SLC25A13: variants seen among roughly 807,000 people sequenced by gnomAD.
The protein encoded by SLC25A13 is electrogenic aspartate/glutamate antiporter SLC25A13, mitochondrial.
A neutral mutation model predicts 85.5 loss-of-function variants in SLC25A13; 70 were observed. The observed-to-expected ratio is 0.82, with a 90% CI of 0.68 to 1.00. SLC25A13 has a LOEUF of 1.00. SLC25A13 is among the 50% of genes least tolerant of loss of function. The pLI, the probability that SLC25A13 is intolerant of heterozygous loss-of-function variation, is 0.00. For synonymous variants in SLC25A13, 259 were observed against 288.7 expected (o/e 0.90, Z 1.04); for missense variants, 765 against 819.8 (o/e 0.93, Z 0.82).
chr7:96,175,074 C>T (rs1794166293), intron 11 of SLC25A13, among the ~76,000 whole-genome samples: 1 of 152,180 alleles, frequency 6.6e-6, no homozygotes, highest in Non-Finnish European at 1.5e-5. Context: ...GCAGGTGCTG[C>T]ATACCAGACC....
intron 5 of SLC25A13, among the ~76,000 whole-genome samples, chr7:96,199,639 A>G (rs1468326636): frequency 1.3e-5 from 2 of 152,160 alleles, no homozygotes; most frequent in Admixed American, 6.5e-5. Context: ...AAGGAGGCCC[A>G]ATTTCTCTTT....
At chr7:96,241,669 C>G (rs1342034988) in intron 3 of SLC25A13, among the ~76,000 whole-genome samples, 1 of 151,946 alleles carries the variant, frequency 6.6e-6, no homozygotes. Context: ...TCTGCTTGTC[C>G]ATATTTTCTA....
chr7:96,164,129 T>TGTTTG (rs1312851504), intron 13 of SLC25A13, among the ~76,000 whole-genome samples: 1 of 152,202 alleles, frequency 6.6e-6, no homozygotes, highest in Non-Finnish European at 1.5e-5. Context: ...CTATAACCTG[T>TGTTTG]TTTAACAAAC....
intron 1 of SLC25A13, among the ~76,000 whole-genome samples, chr7:96,301,078 C>T (rs780442273): frequency 6.6e-6 from 1 of 152,140 alleles, no homozygotes; most frequent in Non-Finnish European, 1.5e-5. Flanking sequence ...AAAACCAATA[C>T]CCAGGAAGTT....
chr7:96,218,633 G>A (rs1465033085), intron 4 of SLC25A13, among the ~76,000 whole-genome samples: 2 of 152,030 alleles, frequency 1.3e-5, no homozygotes, highest in Admixed American at 1.3e-4. Context: ...ATGAAAAAGA[G>A]TTTCTCATTA....
At chr7:96,204,544 C>T (rs200006993) in intron 5 of SLC25A13, among the ~76,000 whole-genome samples, 1 of 118,414 alleles carries the variant, frequency 8.4e-6, no homozygotes, top group African/African-American at 3.1e-5. Flanking sequence ...GTCTCAAAAA[C>T]AAAAAAAAGA....
At chr7:96,128,763 T>C (rs934276151) in intron 15 of SLC25A13, among the ~76,000 whole-genome samples, 1 of 144,882 alleles carries the variant, frequency 6.9e-6, no homozygotes, top group African/African-American at 2.5e-5. Flanking sequence ...ATAATAATAA[T>C]AATAATAATA....
At position 96,128,044 on chromosome 7, in the gene SLC25A13, C is replaced by T. The variant is rs191358181; in HGVS notation, c.1591+3699G>A. 9.3e-3 allele frequency among the ~76,000 whole-genome samples: 1,409 copies of T among 152,254 alleles called. 19 individuals carry two copies. Among genetic ancestry groups the T allele is most frequent in the African/African-American group, 0.032 (1,315 of 41,528 alleles). On this transcript the variant is annotated intron_variant, in intron 15 of 17. Coordinates refer to ENST00000265631, the MANE Select transcript of SLC25A13 (RefSeq NM_014251.3). ...GCACACTTCTGACAAAAGTCTTGCCCTTCTCCACACTGAACTCAGCTCTGC... is the reference window on the plus strand; with the variant it reads ...GCACACTTCTGACAAAAGTCTTGCCTTTCTCCACACTGAACTCAGCTCTGC...
rs552191431 is a variant in SLC25A13, at chr7:96,281,327, G to A, written c.70-3989C>T. 8.7e-5 allele frequency among the ~76,000 whole-genome samples: 13 copies of A among 149,190 alleles called. No homozygotes were observed. The East Asian group carries it at 2.2e-3, about 25-fold the overall frequency. On this transcript the variant is annotated intron_variant, in intron 2 of 17. Transcript: ENST00000265631. ...AATCGCTTGAACCCGGGAGGCAGAA[G>A]TTGCAGTGAGCTGAGACCGCCCCAT...
chr7:96,319,193 C>CTTTA (rs1186125359), intron 1 of SLC25A13, among the ~76,000 whole-genome samples: 1 of 152,140 alleles, frequency 6.6e-6, no homozygotes, highest in Non-Finnish European at 1.5e-5. Flanking sequence ...CCTTATGTAA[C>CTTTA]CCACAGACAT....
intron 1 of SLC25A13, chr7:96,306,794 T>C (rs2117016204): frequency 1.5e-6 from 2 of 1,317,642 alleles, no homozygotes; most frequent in South Asian, 2.3e-5. Context: ...TAGTGCCCTA[T>C]CATCTCTACC....
chr7:96,174,526 T>C (rs1239548325), intron 11 of SLC25A13, among the ~76,000 whole-genome samples: 2 of 152,234 alleles, frequency 1.3e-5, no homozygotes, highest in African/African-American at 4.8e-5. Context: ...CTCTTCACAA[T>C]TGAAATTTTC....
chr7:96,321,883 C>T, intron 1 of SLC25A13, 59 bp downstream of exon 1: 4 of 1,493,534 alleles, frequency 2.7e-6, no homozygotes, highest in Non-Finnish European at 3.6e-6. Flanking sequence ...GCCCGAGCCT[C>T]TCGCACCCCC....
chr7:96,310,824 T>C (rs1799922241), intron 1 of SLC25A13, among the ~76,000 whole-genome samples: 1 of 152,252 alleles, frequency 6.6e-6, no homozygotes. Flanking sequence ...TTGGATTTTT[T>C]TAATTCCATG....
intron 3 of SLC25A13, among the ~76,000 whole-genome samples, chr7:96,236,438 T>G (rs1796747469): frequency 6.6e-6 from 1 of 151,926 alleles, no homozygotes; most frequent in Admixed American, 6.6e-5. Flanking sequence ...CCACTAGAAA[T>G]TAAGAGTTAA....
At chr7:96,180,625 G>A (rs559727050) in intron 11 of SLC25A13, among the ~76,000 whole-genome samples, 10 of 152,246 alleles carry the variant, frequency 6.6e-5, no homozygotes, top group African/African-American at 2.2e-4. Context: ...CACCGTACCC[G>A]GCCATATTTC....
intron 4 of SLC25A13, among the ~76,000 whole-genome samples, chr7:96,222,168 G>A (rs1359716727): frequency 1.3e-5 from 2 of 152,168 alleles, no homozygotes; most frequent in East Asian, 3.9e-4. Flanking sequence ...ACATAAACAA[G>A]AAACGCTTCT....
chr7:96,296,544 G>A (rs1437717946), intron 2 of SLC25A13, among the ~76,000 whole-genome samples: 3 of 150,556 alleles, frequency 2.0e-5, no homozygotes, highest in East Asian at 2.0e-4. Flanking sequence ...GCAGTGGCAC[G>A]ATCTCAGCTC....
At chr7:96,150,781 T>C (rs1047549370) in intron 13 of SLC25A13, among the ~76,000 whole-genome samples, 5 of 151,998 alleles carry the variant, frequency 3.3e-5, no homozygotes, top group Non-Finnish European at 7.4e-5. Flanking sequence ...ATTCTAGAAA[T>C]GTGAGAATAT....
Sources: gnomAD v4.1 joint callset for allele counts (sites outside exome capture counted in the v4.1 genomes callset) on GRCh38, gnomAD v4.1.1 for gene constraint, MANE v1.5 for transcripts, NCBI Gene and HGNC (gene_info 2026-07-23, HGNC 2026-07-21) for gene names.